SH2D3C: variants seen among roughly 807,000 people sequenced by gnomAD.
SH2D3C encodes SH2 domain containing 3C.
A neutral mutation model predicts 75.2 loss-of-function variants in SH2D3C; 25 were observed. That is an observed-to-expected ratio of 0.33 (90% CI 0.24 to 0.46). The LOEUF is 0.46. Ranked by LOEUF, SH2D3C falls within the 20% of genes least tolerant of loss-of-function variation. The probability of loss-of-function intolerance (pLI) is 1.00; values close to 1 mark genes in which losing one functional copy is unlikely to be tolerated. For synonymous variants in SH2D3C, 450 were observed against 473.7 expected (o/e 0.95, Z 0.65); for missense variants, 933 against 1,165.3 (o/e 0.80, Z 2.90).
rs1361342327 is a variant in SH2D3C, at chr9:127,751,160, G to A, written c.684+12C>T. 3 of 1,612,938 alleles carry A rather than the reference G, an allele frequency of 1.9e-6. No homozygotes were observed. The highest frequency in any genetic ancestry group is 2.2e-5 in the East Asian group (1 of 44,900). On this transcript the variant is annotated intron_variant, in intron 4 of 11. Coordinates refer to ENST00000314830, the MANE Select transcript of SH2D3C (RefSeq NM_170600.3). This position sits in a 1 kb window ranked among gnomAD's most constrained non-coding sequence, Gnocchi z 4.1. ...GGGTCCCGGGTTGAAGTCCAGCTCG[G>A]GGCCTACTCACCTCTCGGGGGATGC...
At chr9:127,740,438 G>T in intron 9 of SH2D3C, 69 bp from the exon 10 acceptor site, 1 of 1,059,176 alleles carries the variant, frequency 9.4e-7, no homozygotes. Flanking sequence ...CTGCCCTGCT[G>T]AGTGGACACC....
chr9:127,750,058 T>C (rs1845153721), intron 4 of SH2D3C, among the ~76,000 whole-genome samples: 1 of 152,160 alleles, frequency 6.6e-6, no homozygotes, highest in Non-Finnish European at 1.5e-5. Context: ...CCCAGTGCTC[T>C]GGCATGCCTC....
At position 127,754,899 on chromosome 9, in the gene SH2D3C, G is replaced by C; in HGVS notation, c.556-3599C>G. ...CGAACCCTCACCCCGCGGAGCGCCT[G>C]GGCGCCCAGAGGTGAGGCTGGGGTG... On this transcript the variant is annotated intron_variant, in intron 3 of 11. Coordinates refer to ENST00000314830, the MANE Select transcript of SH2D3C (RefSeq NM_170600.3). The surrounding 1 kb of genome is among the most constrained non-coding windows in gnomAD (Gnocchi z 4.4). The C allele has an allele frequency of 2.0e-6, 1 of 512,448 alleles. No individual in the cohort carries two copies. 31.7% of individuals were successfully genotyped at this position (512,448 alleles called of 1,614,324 possible).
chr9:127,750,954 C>T (rs1404648313), intron 4 of SH2D3C, among the ~76,000 whole-genome samples: 1 of 152,230 alleles, frequency 6.6e-6, no homozygotes, highest in Non-Finnish European at 1.5e-5. Flanking sequence ...TTTCACAACA[C>T]CCCTTTGCAG....
intron 2 of SH2D3C, among the ~76,000 whole-genome samples, chr9:127,765,780 T>G (rs1287041697): frequency 6.6e-6 from 1 of 152,220 alleles, no homozygotes; most frequent in Non-Finnish European, 1.5e-5. Flanking sequence ...TTTTTAAAAC[T>G]CAGCTCCACT....
At chr9:127,771,504 C>G in intron 2 of SH2D3C, 1 of 613,078 alleles carries the variant, frequency 1.6e-6, no homozygotes, top group Non-Finnish European at 2.5e-6. Context: ...GGGAAGGCCT[C>G]GCCCCCTAGC....
chr9:127,764,930 A>T (rs1379015947), intron 2 of SH2D3C, among the ~76,000 whole-genome samples: 1 of 152,022 alleles, frequency 6.6e-6, no homozygotes, highest in Non-Finnish European at 1.5e-5. Context: ...GCTGGTCTTG[A>T]ACTCCTGACC....
chr9:127,755,245 C>G (rs1488759951), intron 3 of SH2D3C: 23 of 992,472 alleles, frequency 2.3e-5, no homozygotes, highest in Non-Finnish European at 2.6e-5. Flanking sequence ...GGCTAGGCAC[C>G]GGCTGCGCGT....
At chr9:127,741,238 A>C (rs993613557) in intron 9 of SH2D3C, among the ~76,000 whole-genome samples, 1 of 146,140 alleles carries the variant, frequency 6.8e-6, no homozygotes, top group African/African-American at 2.6e-5. Context: ...CTTTCTTCTT[A>C]TTCTTTTTTT....
chr9:127,762,323 T>TA, intron 2 of SH2D3C: 2 of 1,299,962 alleles, frequency 1.5e-6, no homozygotes, highest in South Asian at 2.5e-5. Context: ...CGCATGGCCT[T>TA]AAATGCTACC....
At position 127,747,257 on chromosome 9, in the gene SH2D3C, C is replaced by T. The variant is rs140336739; in HGVS notation, c.1154G>A (p.Arg385His). 9.9e-5 allele frequency: 160 copies of T among 1,612,882 alleles called. 3 individuals are homozygous for T. The highest frequency in any genetic ancestry group is 9.7e-4 in the South Asian group (88 of 91,032). The change falls in exon 6 of 12, where the codon CGC becomes CAC. Residue 385 changes from arginine to histidine, a missense_variant. Arg to His is a conservative substitution (Grantham distance 29). Coordinates refer to ENST00000314830, the MANE Select transcript of SH2D3C (RefSeq NM_170600.3). Reference sequence around the variant, plus strand: ...ACAGCTGCGGATGGAGTCCCGAGGGCGGGGCAGCGACGTACTGTGGAGCAG... The same window carrying T: ...ACAGCTGCGGATGGAGTCCCGAGGGTGGGGCAGCGACGTACTGTGGAGCAG... ...DGCPTSTSLP[R>H]PRDSIRSCAL... is the part of the protein sequence containing the mutation.
Position 127,749,742 on chromosome 9 carries a change from C to G in SH2D3C, c.685-77G>C. 1.1e-6 allele frequency: 1 copy of G among 921,776 alleles called. No homozygotes were observed. Among genetic ancestry groups the G allele is most frequent in the Non-Finnish European group, 1.7e-6 (1 of 595,798 alleles). The allele number at this position is 921,776 out of a possible 1,614,324, so 57.1% of individuals were successfully genotyped here. On this transcript the variant is annotated intron_variant, in intron 4 of 11. Transcript: ENST00000314830. The surrounding 1 kb of genome is among the most constrained non-coding windows in gnomAD (Gnocchi z 5.9). ...ACCCAGGATCTGGGGGACAGAGCAA[C>G]CCAGGATTAGGGGGCACAGCAAGAC...
At chr9:127,769,990 G>A (rs906013430) in intron 2 of SH2D3C, among the ~76,000 whole-genome samples, 1 of 152,182 alleles carries the variant, frequency 6.6e-6, no homozygotes, top group African/African-American at 2.4e-5. Context: ...TCCAGTGTGG[G>A]TAGGCGTGGG....
intron 5 of SH2D3C, among the ~76,000 whole-genome samples, chr9:127,748,878 G>A (rs542036544): frequency 7.5e-4 from 114 of 152,300 alleles, no homozygotes; most frequent in African/African-American, 2.4e-3. Flanking sequence ...GCCCCTCTCC[G>A]GTTCAGGACT....
intron 2 of SH2D3C, among the ~76,000 whole-genome samples, chr9:127,765,977 T>C (rs896493285): frequency 4.6e-5 from 7 of 152,236 alleles, no homozygotes; most frequent in Non-Finnish European, 1.0e-4. Context: ...TGATAACTGA[T>C]ACCACTTATT....
chr9:127,769,678 T>G (rs542936580), intron 2 of SH2D3C, among the ~76,000 whole-genome samples: 103 of 142,972 alleles, frequency 7.2e-4, no homozygotes, highest in Admixed American at 1.0e-3. Flanking sequence ...AAAAAAGAAA[T>G]AAAGAAAAAA....
chr9:127,755,094 G>A (rs1025495404), intron 3 of SH2D3C: 12 of 1,214,166 alleles, frequency 9.9e-6, no homozygotes, highest in South Asian at 4.0e-5. Context: ...CCTGCACGAA[G>A]GAGCCGCGGT....
chr9:127,773,403 T>C lies in SH2D3C; in HGVS notation c.515+587A>G, dbSNP rs1474055615. Among the ~76,000 whole-genome samples, 4 of 152,030 alleles carry C rather than the reference T, an allele frequency of 2.6e-5. No homozygotes were observed. In the East Asian group the frequency reaches 7.7e-4, roughly 29 times the overall value. ...CCCATGCTAGAGGCTAACTGGGACT[T>C]TGAAGGCAGGGGGTCTCGGTTCACA... is the stretch of plus-strand genomic sequence containing the variant. On this transcript the variant is annotated intron_variant, in intron 2 of 11. Transcript: ENST00000314830.
intron 2 of SH2D3C, chr9:127,766,922 C>A: frequency 6.5e-7 from 1 of 1,533,382 alleles, no homozygotes. Flanking sequence ...AAGCAACGGG[C>A]ACCTGCCTGC....
Sources: gnomAD v4.1 joint callset for allele counts (sites outside exome capture counted in the v4.1 genomes callset) on GRCh38, gnomAD v4.1.1 for gene constraint, Gnocchi (gnomAD v3.1) non-coding constraint, MANE v1.5 for transcripts, NCBI Gene and HGNC (gene_info 2026-07-23, HGNC 2026-07-21) for gene names.